The following TTC6 variants were observed in gnomAD, a reference collection of about 807,000 sequenced individuals.
TTC6 encodes tetratricopeptide repeat domain 6, also known as tetratricopeptide repeat protein 6.
Under a neutral mutation model 210.4 loss-of-function variants are expected in TTC6, and 172 were observed. The observed-to-expected ratio is 0.82, with a 90% confidence interval of 0.72 to 0.93. TTC6 has a LOEUF of 0.93. TTC6 is among the 40% of genes least tolerant of loss of function. The probability of loss-of-function intolerance (pLI) is 0.00; values close to 1 mark genes in which losing one functional copy is unlikely to be tolerated. For synonymous variants in TTC6, 804 were observed against 819.6 expected (o/e 0.98, Z 0.32); for missense variants, 2,414 against 2,318.1 (o/e 1.04, Z -0.85).
chr14:37,783,146 A>G (rs142699962), intron 14 of TTC6, among the ~76,000 whole-genome samples: 25,037 of 152,130 alleles, frequency 0.16, 2,249 homozygotes, highest in East Asian at 0.37. Flanking sequence ...GGCCTCATAA[A>G]ATGAGTTAGG....
intron 5 of TTC6, among the ~76,000 whole-genome samples, chr14:37,709,611 C>G (rs756695441): frequency 3.6e-4 from 54 of 150,946 alleles, no homozygotes; most frequent in Non-Finnish European, 6.5e-4. Context: ...CAGTATCATT[C>G]CACCAGATGT....
exon 21 of TTC6, chr14:37,804,683 G>A (rs1333484345): frequency 6.2e-7 from 1 of 1,611,552 alleles, no homozygotes; most frequent in Admixed American, 1.7e-5. Context: ...ATTATAGGAA[G>A]CTGTGGAAGT....
chr14:37,836,263 C>G (rs1391763712), intron 29 of TTC6, among the ~76,000 whole-genome samples: 1 of 152,162 alleles, frequency 6.6e-6, no homozygotes, highest in Non-Finnish European at 1.5e-5. Context: ...TACATCTATC[C>G]TGTCAGTAAA....
chr14:37,671,016 A>G (rs1441870811), intron 1 of TTC6, among the ~76,000 whole-genome samples: 2 of 152,188 alleles, frequency 1.3e-5, no homozygotes, highest in Non-Finnish European at 2.9e-5. Flanking sequence ...GCTTAAAACA[A>G]TGAACATTTA....
At chr14:37,767,627 G>A (rs968181457) in intron 14 of TTC6, among the ~76,000 whole-genome samples, 4 of 152,020 alleles carry the variant, frequency 2.6e-5, no homozygotes, top group African/African-American at 2.4e-5. Context: ...CATGTCCTTC[G>A]CCTACTTTTT....
rs142750672 is a variant in TTC6 at position 37,627,168 on chromosome 14, T to A, written c.939+4165T>A. ...CTCCCACTTTGCCTTCCACTATGATTTTTAGCTTCCTGAGGCCTCCCCAGA... is the reference window on the plus strand; with the variant it reads ...CTCCCACTTTGCCTTCCACTATGATATTTAGCTTCCTGAGGCCTCCCCAGA... On this transcript the variant is annotated intron_variant, in intron 1 of 30. Coordinates refer to ENST00000553443, the Ensembl canonical transcript of TTC6. 4.1e-3 allele frequency among the ~76,000 whole-genome samples: 617 copies of A among 152,218 alleles called. 3 individuals carry two copies. Among genetic ancestry groups the A allele is most frequent in the African/African-American group, 0.014 (585 of 41,506 alleles).
chr14:37,815,567 A>G (rs549492970), intron 25 of TTC6, among the ~76,000 whole-genome samples: 1 of 152,142 alleles, frequency 6.6e-6, no homozygotes, highest in South Asian at 2.1e-4. Context: ...GAGATGTAAG[A>G]CTGAGATGGA....
chr14:37,649,366 T>C (rs1310533056), intron 1 of TTC6, among the ~76,000 whole-genome samples: 3 of 152,168 alleles, frequency 2.0e-5, no homozygotes, highest in South Asian at 4.1e-4. Context: ...CTTCTTTTTG[T>C]TTCCTTTGAG....
intron 15 of TTC6, among the ~76,000 whole-genome samples, chr14:37,790,165 C>T (rs191017296): frequency 2.6e-4 from 39 of 152,152 alleles, no homozygotes; most frequent in Non-Finnish European, 4.0e-4. Context: ...ATAGTCAAGC[C>T]GTCCGCCTTA....
At chr14:37,738,253 A>G (rs2095907449) in intron 9 of TTC6, among the ~76,000 whole-genome samples, 1 of 151,226 alleles carries the variant, frequency 6.6e-6, no homozygotes. Context: ...AAATACTGTA[A>G]TAGGTTGGGA....
chr14:37,629,108 T>A (rs767868888), intron 1 of TTC6, among the ~76,000 whole-genome samples: 2 of 152,210 alleles, frequency 1.3e-5, no homozygotes, highest in African/African-American at 2.4e-5. Flanking sequence ...TGGTTCCATA[T>A]GAAATTTAAA....
chr14:37,797,120 G>T lies in TTC6; in HGVS notation c.4029+173G>T, dbSNP rs79291080. On this transcript the variant is annotated intron_variant, in intron 20 of 30. Transcript: ENST00000553443. ...TGTGCCCCCTCTTAAGAACAGGGCT[G>T]CCCTAAATATTCTTTTTCATGTATT... 9.2e-5 allele frequency among the ~76,000 whole-genome samples: 14 copies of T among 152,102 alleles called. No individual in the cohort carries two copies. The East Asian group carries it at 2.5e-3, about 27-fold the overall frequency.
chr14:37,622,819 AGAG>A (rs2095653953), exon 1 of TTC6: 2 of 1,533,790 alleles, frequency 1.3e-6, no homozygotes, highest in Non-Finnish European at 1.7e-6. Context: ...GGAGAACAGG[AGAG>A]CTGGCCGCCC....
intron 1 of TTC6, among the ~76,000 whole-genome samples, chr14:37,625,027 G>A (rs945935653): frequency 6.6e-6 from 1 of 152,098 alleles, no homozygotes; most frequent in Non-Finnish European, 1.5e-5. Flanking sequence ...ACAGCATCAG[G>A]TGTCTCAGTC....
chr14:37,623,426 A>G (rs2095655102), intron 1 of TTC6, among the ~76,000 whole-genome samples: 1 of 152,258 alleles, frequency 6.6e-6, no homozygotes, highest in Non-Finnish European at 1.5e-5. Context: ...TATTCTAAGA[A>G]GATCAGCATG....
At chr14:37,632,678 A>C (rs1470279323) in intron 1 of TTC6, among the ~76,000 whole-genome samples, 1 of 152,210 alleles carries the variant, frequency 6.6e-6, no homozygotes, top group Non-Finnish European at 1.5e-5. Context: ...CTTCAGAGCC[A>C]GCAGGAAGGA....
exon 26 of TTC6, chr14:37,817,614 G>T (rs572020102): frequency 6.2e-7 from 1 of 1,613,838 alleles, no homozygotes; most frequent in African/African-American, 1.3e-5. Context: ...CCGGACTAAC[G>T]GGAGCCTTTG....
intron 2 of TTC6, among the ~76,000 whole-genome samples, chr14:37,608,308 T>G (rs187242084): frequency 8.0e-5 from 12 of 150,142 alleles, no homozygotes; most frequent in East Asian, 7.8e-4. Context: ...GTGTGTGTGT[T>G]TTTGTTGTTG....
At chr14:37,734,557 A>C (rs1408809379) in intron 7 of TTC6, among the ~76,000 whole-genome samples, 1 of 152,222 alleles carries the variant, frequency 6.6e-6, no homozygotes, top group Admixed American at 6.5e-5. Flanking sequence ...TGTAGCTCTC[A>C]GTTGTCCTCA....
Sources: gnomAD v4.1 joint callset for allele counts (sites outside exome capture counted in the v4.1 genomes callset) on GRCh38, gnomAD v4.1.1 for gene constraint, MANE v1.5 for transcripts, NCBI Gene and HGNC (gene_info 2026-07-23, HGNC 2026-07-21) for gene names.